The following ACACA variants were observed in gnomAD, a reference collection of about 807,000 sequenced individuals.
ACACA encodes acetyl-CoA carboxylase alpha.
In ACACA, 103 loss-of-function variants were observed where a neutral mutation model predicts 296.1. That is an observed-to-expected ratio of 0.35 (90% CI 0.30 to 0.41). ACACA has a LOEUF of 0.41. Among genes scored for constraint, ACACA ranks in the 10% least tolerant of loss-of-function variants. ACACA has a pLI of 1.00. For synonymous variants in ACACA, 953 were observed against 1,038.6 expected (o/e 0.92, Z 1.58); for missense variants, 1,554 against 2,989.7 (o/e 0.52, Z 11.20).
intron 47 of ACACA, among the ~76,000 whole-genome samples, chr17:37,128,602 C>T (rs1361195984): frequency 6.6e-6 from 1 of 152,160 alleles, no homozygotes; most frequent in Non-Finnish European, 1.5e-5. Flanking sequence ...TGGTGCTCCA[C>T]AAAAGAACCT....
rs775947650 is a variant in ACACA, at chr17:37,242,059, G to A, written c.2932-6C>T. ...CTATCTAGGATGTTTGCAATCTAAG[G>A]TATAAAAAAGGGAAAAAAATGAGGC... is the stretch of plus-strand genomic sequence containing the variant. On this transcript the variant is annotated splice_region_variant and splice_polypyrimidine_tract_variant and intron_variant, in intron 22 of 55. Transcript: ENST00000616317. The A allele has an allele frequency of 5.0e-6, 8 of 1,612,632 alleles. No individual in the cohort carries two copies. Among genetic ancestry groups the A allele is most frequent in the African/African-American group, 1.3e-5 (1 of 74,728 alleles).
intron 45 of ACACA, among the ~76,000 whole-genome samples, chr17:37,138,840 C>T (rs1192117212): frequency 2.0e-5 from 3 of 152,230 alleles, no homozygotes; most frequent in Non-Finnish European, 4.4e-5. Context: ...CTCTGGCTCT[C>T]TTTTTCTTCT....
chr17:37,402,042 T>C (rs867197427), intron 1 of ACACA, among the ~76,000 whole-genome samples: 20 of 152,340 alleles, frequency 1.3e-4, no homozygotes, highest in Middle Eastern at 3.4e-3. Flanking sequence ...GGCATGAAGA[T>C]TGTGCTATTA....
chr17:37,354,458 AATG>A (rs1263530262), intron 1 of ACACA, among the ~76,000 whole-genome samples: 1 of 152,174 alleles, frequency 6.6e-6, no homozygotes, highest in Non-Finnish European at 1.5e-5. Flanking sequence ...AGAACACTTA[AATG>A]AGATTGGCCA....
intron 47 of ACACA, among the ~76,000 whole-genome samples, chr17:37,126,245 A>G (rs1189197874): frequency 2.6e-5 from 4 of 152,234 alleles, no homozygotes; most frequent in African/African-American, 7.2e-5. Flanking sequence ...CAACCAAACA[A>G]TAAGTATTAA....
intron 54 of ACACA, 109 bp downstream of exon 54, chr17:37,096,887 T>C: frequency 7.5e-7 from 1 of 1,327,682 alleles, no homozygotes. Flanking sequence ...TATGTTTCCC[T>C]TCTACTCCTG....
In ACACA at chr17:37,342,439, AT is replaced by A. The variant is rs1369323292; in HGVS notation, c.39-2590del. Among the ~76,000 whole-genome samples the A allele has an allele frequency of 7.0e-3, 599 of 85,570 alleles. 11 individuals carry two copies. Among genetic ancestry groups the A allele is most frequent in the Non-Finnish European group, 9.9e-3 (435 of 44,024 alleles). The allele number at this position is 85,570 out of a possible 152,430, so 56.1% of individuals were successfully genotyped here. On this transcript the variant is annotated intron_variant, in intron 1 of 55. Coordinates refer to ENST00000616317, the MANE Select transcript of ACACA (RefSeq NM_198834.3). ...AAAAAAAAAAAAAAAAAAAAAAAATATATATATATATATATATATACACACA... is the reference window on the plus strand; with the variant it reads ...AAAAAAAAAAAAAAAAAAAAAAAATAATATATATATATATATATACACACA...
intron 50 of ACACA, among the ~76,000 whole-genome samples, chr17:37,115,206 A>C (rs2074187240): frequency 6.6e-6 from 1 of 152,256 alleles, no homozygotes; most frequent in Non-Finnish European, 1.5e-5. Context: ...TGCTGTATGA[A>C]GAGCAGGGAA....
rs778100172 is a variant in ACACA at position 37,099,470 on chromosome 17, TGGAGGGCTGATGGGA to T, written c.6566-1501_6566-1487del. Among the ~76,000 whole-genome samples, 1,096 of 124,684 alleles carry T rather than the reference TGGAGGGCTGATGGGA, an allele frequency of 8.8e-3. 9 individuals are homozygous for T. Among genetic ancestry groups the T allele is most frequent in the Middle Eastern group, 0.014 (3 of 220 alleles). 81.8% of individuals were successfully genotyped at this position (124,684 alleles called of 152,430 possible). The stretch of plus-strand genomic sequence containing the variant: ...GGCTGATGGCGGGAGGGCTGAGGGA[TGGAGGGCTGATGGGA>T]GGAGGGCTGATGGGAGGAGGGCTGA... On this transcript the variant is annotated intron_variant, in intron 52 of 55. Coordinates refer to ENST00000616317, the MANE Select transcript of ACACA (RefSeq NM_198834.3).
At chr17:37,263,620 T>C (rs2081613954) in intron 11 of ACACA, 65 bp downstream of exon 11, 2 of 1,327,678 alleles carry the variant, frequency 1.5e-6, no homozygotes, top group Non-Finnish European at 2.2e-6. Flanking sequence ...CTCAGATTGG[T>C]ACATGAACTG....
At chr17:37,102,065 G>T (rs898339984) in intron 52 of ACACA, among the ~76,000 whole-genome samples, 1 of 152,156 alleles carries the variant, frequency 6.6e-6, no homozygotes, top group African/African-American at 2.4e-5. Flanking sequence ...ACGTTACTGC[G>T]TGCTTTCCCA....
At chr17:37,398,100 C>T (rs1044371491) in intron 1 of ACACA, among the ~76,000 whole-genome samples, 14 of 150,940 alleles carry the variant, frequency 9.3e-5, no homozygotes, top group African/African-American at 3.2e-4. Flanking sequence ...CGTGGTGGCG[C>T]GCGCCTGTAC....
intron 52 of ACACA, among the ~76,000 whole-genome samples, chr17:37,103,307 G>A (rs1027018204): frequency 6.6e-6 from 1 of 152,182 alleles, no homozygotes; most frequent in Non-Finnish European, 1.5e-5. Flanking sequence ...GAATGAGGAG[G>A]GGGATAAAGA....
intron 35 of ACACA, among the ~76,000 whole-genome samples, chr17:37,194,557 T>G (rs1467744424): frequency 3.3e-5 from 5 of 152,198 alleles, no homozygotes; most frequent in Non-Finnish European, 5.9e-5. Context: ...TTTCTCTTTT[T>G]ATTATAATCT....
intron 52 of ACACA, 72 bp downstream of exon 52, chr17:37,111,458 CT>C: frequency 9.2e-7 from 1 of 1,089,314 alleles, no homozygotes; most frequent in Non-Finnish European, 1.4e-6. Context: ...GCCTCCTCCC[CT>C]GGCCTATGAA....
At chr17:37,359,085 G>A in intron 1 of ACACA, 3 of 985,852 alleles carry the variant, frequency 3.0e-6, no homozygotes, top group South Asian at 9.4e-5. Flanking sequence ...GGCGGCTCGG[G>A]CGATGGCTGA....
chr17:37,087,003 C>T lies in ACACA; in HGVS notation c.*313G>A, dbSNP rs1311103820. ...TGTCAGGACAGGAGGGGCAGCCCTACTTTGGTTAGTAAGACCTCATGGTAC... is the reference window on the plus strand; with the variant it reads ...TGTCAGGACAGGAGGGGCAGCCCTATTTTGGTTAGTAAGACCTCATGGTAC... On this transcript the variant is annotated 3_prime_UTR_variant, in exon 56 of 56. Transcript: ENST00000616317. 3 of 433,786 alleles carry T rather than the reference C, an allele frequency of 6.9e-6. No homozygotes were observed. Among genetic ancestry groups the T allele is most frequent in the Non-Finnish European group, 1.3e-5 (3 of 231,700 alleles). 26.9% of individuals were successfully genotyped at this position (433,786 alleles called of 1,614,324 possible).
At position 37,097,979 on chromosome 17, in the gene ACACA, G is replaced by C. The variant is rs2073092971; in HGVS notation, c.6571C>G (p.Pro2191Ala). The C allele has an allele frequency of 3.1e-6, 5 of 1,613,986 alleles. No individual in the cohort carries two copies. The highest frequency in any genetic ancestry group is 4.2e-6 in the Non-Finnish European group (5 of 1,180,034). Residue 2191 changes from proline to alanine, a missense_variant, in exon 53 of 56, where the codon CCA becomes GCA. Transcript: ENST00000616317. The surrounding 1 kb of genome is among the most constrained non-coding windows in gnomAD (Gnocchi z 4.8). The part of the protein sequence containing the change: ...YIHLAERLGT[P>A]ELSTAERKEL... ...TTCCGCTCAGCTGTGCTTAGCTCTG[G>C]GGTCCCTGCAATTAGATAAACATGC...
rs58523091 is a variant in ACACA, at chr17:37,364,590, C to CAA, written c.39-24742_39-24741dup. Among the ~76,000 whole-genome samples, 212 of 94,076 alleles carry CAA rather than the reference C, an allele frequency of 2.3e-3. 2 individuals carry two copies. The highest frequency in any genetic ancestry group is 5.0e-3 in the Admixed American group (49 of 9,898). The allele number at this position is 94,076 out of a possible 152,430, so 61.7% of individuals were successfully genotyped here. The stretch of plus-strand genomic sequence containing the variant: ...TGGGAGACAGAGAGAGACTCCGTCT[C>CAA]AAAAAAAAAAAAAAAGAAAAAGAAA... On this transcript the variant is annotated intron_variant, in intron 1 of 55. Coordinates refer to ENST00000616317, the MANE Select transcript of ACACA (RefSeq NM_198834.3).
Sources: allele counts gnomAD v4.1 joint callset (sites outside exome capture counted in the v4.1 genomes callset), GRCh38; gene constraint gnomAD v4.1.1; non-coding constraint Gnocchi (gnomAD v3.1); transcripts MANE v1.5; gene names NCBI Gene and HGNC (gene_info 2026-07-23, HGNC 2026-07-21).